ANKAR: variants seen among roughly 807,000 people sequenced by gnomAD.
ANKAR encodes ankyrin and armadillo repeat-containing protein.
In ANKAR, 136 loss-of-function variants were observed where a neutral mutation model predicts 146.2. That is an observed-to-expected ratio of 0.93 (90% CI 0.81 to 1.07). The LOEUF (loss-of-function observed/expected upper bound fraction) is 1.07, where lower values mean the gene tolerates loss of function less well. Ranked by LOEUF, ANKAR falls within the 50% of genes least tolerant of loss-of-function variation. The pLI is 0.00. For missense variants in ANKAR, 1,567 were observed against 1,679.9 expected, an observed-to-expected ratio of 0.93 and a Z score of 1.18; for synonymous variants, 500 against 575.8, an observed-to-expected ratio of 0.87 and a Z score of 1.88.
intron 12 of ANKAR, among the ~76,000 whole-genome samples, chr2:189,726,471 T>C (rs1277627875): frequency 1.3e-5 from 2 of 152,130 alleles, no homozygotes; most frequent in Non-Finnish European, 2.9e-5. Flanking sequence ...AAAAATATTC[T>C]GGATGGAGGT....
At chr2:189,716,221 G>C (rs2040442359) in intron 10 of ANKAR, among the ~76,000 whole-genome samples, 3 of 152,162 alleles carry the variant, frequency 2.0e-5, no homozygotes, top group Admixed American at 1.3e-4. Context: ...TCCTTAAGCT[G>C]ATAAGCAACT....
Position 189,676,573 on chromosome 2 carries a change from A to C in ANKAR, c.83A>C (p.Gln28Pro), listed in dbSNP as rs767996919. Residue 28 changes from glutamine (Q) to proline (P), a missense_variant, in exon 2 of 23, where the codon CAA becomes CCA. Physicochemically the swap from Gln to Pro is moderately conservative, Grantham distance 76. Transcript: ENST00000684021. ...EDTYLENLAI[Q>P]RNASAFFEKY... ...ACCTACCTGGAAAATTTAGCAATACAAAGAAATGCATCTGCTTTTTTTGAA... is the reference window on the plus strand; with the variant it reads ...ACCTACCTGGAAAATTTAGCAATACCAAGAAATGCATCTGCTTTTTTTGAA... 15 of 1,611,090 alleles carry C rather than the reference A, an allele frequency of 9.3e-6. 1 individual carries two copies. In the South Asian group the frequency reaches 1.4e-4, roughly 15 times the overall value.
In ANKAR at chr2:189,744,882, G is replaced by A. The variant is rs533498547; in HGVS notation, c.4057+94G>A. 1.4e-4 allele frequency: 138 copies of A among 971,410 alleles called. 1 individual carries two copies. The South Asian group carries it at 1.9e-3, about 13-fold the overall frequency. 60.2% of individuals were successfully genotyped at this position (971,410 alleles called of 1,614,324 possible). A position where few individuals can be genotyped will look rare whatever the true frequency, so the allele number is the denominator to read the frequency against. ...TCTAAAAATTCAAAATGTAGGCCGG[G>A]CACAGTGGCTCATGCCTGTAATCCC... is the stretch of plus-strand genomic sequence containing the variant. On this transcript the variant is annotated intron_variant, in intron 22 of 22. Coordinates refer to ENST00000684021, the MANE Select transcript of ANKAR (RefSeq NM_001378068.1).
downstream of ANKAR, chr2:189,746,708 C>A: frequency 7.4e-7 from 1 of 1,350,338 alleles, no homozygotes. Context: ...ATGCAAATAA[C>A]ATAACTGAAT....
At chr2:189,750,503 A>T, downstream of ANKAR, 1 of 748,442 alleles carries the variant, frequency 1.3e-6, no homozygotes, top group Non-Finnish European at 2.2e-6. Flanking sequence ...ATCTTCTACA[A>T]TTTGATACAC....
chr2:189,736,186 T>C (rs1360330152), intron 17 of ANKAR, among the ~76,000 whole-genome samples: 1 of 152,208 alleles, frequency 6.6e-6, no homozygotes, highest in Non-Finnish European at 1.5e-5. Context: ...GGATTCATTT[T>C]GAAACATTAA....
chr2:189,702,148 G>A (rs536481006), intron 7 of ANKAR, among the ~76,000 whole-genome samples: 1 of 152,114 alleles, frequency 6.6e-6, no homozygotes, highest in Non-Finnish European at 1.5e-5. Flanking sequence ...GCAGGTTAGG[G>A]TCTGATAAAA....
At chr2:189,680,897 G>T (rs530707800) in intron 2 of ANKAR, among the ~76,000 whole-genome samples, 6 of 152,126 alleles carry the variant, frequency 3.9e-5, no homozygotes, top group Non-Finnish European at 5.9e-5. Flanking sequence ...AAATTTAAAG[G>T]TAATTTATCT....
At chr2:189,738,769 C>T (rs553765884) in intron 19 of ANKAR, 87 bp downstream of exon 19, 14 of 771,004 alleles carry the variant, frequency 1.8e-5, no homozygotes, top group Non-Finnish European at 2.6e-5. Flanking sequence ...TAAAATAATA[C>T]GCCTGATACA....
At chr2:189,709,904 G>A (rs541015009) in intron 9 of ANKAR, among the ~76,000 whole-genome samples, 3 of 152,250 alleles carry the variant, frequency 2.0e-5, no homozygotes, top group Non-Finnish European at 4.4e-5. Flanking sequence ...GCCTAAAAGC[G>A]CATAAAAATT....
chr2:189,760,733 G>A (rs547523946), intron 18 of ANKAR, among the ~76,000 whole-genome samples: 2 of 152,124 alleles, frequency 1.3e-5, no homozygotes, highest in South Asian at 4.1e-4. Flanking sequence ...GGAGATTGCA[G>A]TGAGCCGAGA....
At chr2:189,735,240 G>A (rs1034240964) in intron 17 of ANKAR, among the ~76,000 whole-genome samples, 1 of 151,954 alleles carries the variant, frequency 6.6e-6, no homozygotes, top group Non-Finnish European at 1.5e-5. Context: ...TCACTCTCTG[G>A]ACCCTGCATT....
intron 1 of ANKAR, among the ~76,000 whole-genome samples, chr2:189,675,538 G>C (rs1054469059): frequency 3.3e-5 from 5 of 152,038 alleles, no homozygotes; most frequent in Admixed American, 3.3e-4. Context: ...AGTAGAGACG[G>C]AGTTTCTCCA....
intron 19 of ANKAR, among the ~76,000 whole-genome samples, chr2:189,739,807 C>T (rs2043164491): frequency 6.6e-6 from 1 of 152,098 alleles, no homozygotes; most frequent in Non-Finnish European, 1.5e-5. Flanking sequence ...CATGATCCGC[C>T]CGCCTCGGCC....
intron 4 of ANKAR, chr2:189,692,831 T>C: frequency 3.6e-6 from 1 of 275,890 alleles, no homozygotes. Context: ...TGGAATTTAG[T>C]ATAAAAATTC....
At position 189,720,608 on chromosome 2, in the gene ANKAR, T is replaced by C; in HGVS notation, c.2467-11T>C. On this transcript the variant is annotated splice_polypyrimidine_tract_variant and intron_variant, in intron 11 of 22. Transcript: ENST00000684021. ...ACAAATTCAAATGTAATTTTTTTTG[T>C]TTATTTTTAGAATGGAATCCCAAGC... 7.5e-7 allele frequency: 1 copy of C among 1,328,108 alleles called. No individual in the cohort carries two copies. The highest frequency in any genetic ancestry group is 1.5e-5 in the African/African-American group (1 of 66,402). The allele number at this position is 1,328,108 out of a possible 1,614,324, so 82.3% of individuals were successfully genotyped here. A position where few individuals can be genotyped will look rare whatever the true frequency, so the allele number is the denominator to read the frequency against.
chr2:189,684,887 T>TCCCCTCATC (rs907824340), intron 2 of ANKAR, among the ~76,000 whole-genome samples: 2 of 151,834 alleles, frequency 1.3e-5, no homozygotes, highest in Non-Finnish European at 2.9e-5. Flanking sequence ...TTCCCCTCAT[T>TCCCCTCATC]CCCCTCATCC....
In ANKAR at chr2:189,676,869, G is replaced by C; in HGVS notation, c.379G>C (p.Asp127His). The C allele has an allele frequency of 6.2e-7, 1 of 1,614,104 alleles. No homozygotes were observed. Among genetic ancestry groups the C allele is most frequent in the Non-Finnish European group, 8.5e-7 (1 of 1,180,020 alleles). ...IPSISLEANYDQSSSCQLPPA... is the reference protein window; with the variant it reads ...IPSISLEANYHQSSSCQLPPA... ...TTCCATCAGTTTAGAAGCTAATTAT[G>C]ATCAGAGTTCTTCTTGTCAATTACC... The change falls in exon 2 of 23, where the codon GAT (aspartate) becomes CAT (histidine). Residue 127 changes from aspartate to histidine, a missense_variant. Asp to His is a moderately conservative substitution (Grantham distance 81). Coordinates refer to ENST00000684021, the MANE Select transcript of ANKAR (RefSeq NM_001378068.1).
intron 9 of ANKAR, among the ~76,000 whole-genome samples, chr2:189,709,433 C>T (rs1336787006): frequency 6.6e-6 from 1 of 152,086 alleles, no homozygotes; most frequent in Non-Finnish European, 1.5e-5. Flanking sequence ...GTGATGAACA[C>T]AGAAAAGTGG....
Sources: allele counts gnomAD v4.1 joint callset (sites outside exome capture counted in the v4.1 genomes callset), GRCh38; gene constraint gnomAD v4.1.1; transcripts MANE v1.5; gene names NCBI Gene and HGNC (gene_info 2026-07-23, HGNC 2026-07-21).